JMJD7: variants seen among roughly 807,000 people sequenced by gnomAD.
JMJD7 encodes the protein bifunctional peptidase and (3S)-lysyl hydroxylase JMJD7.
A neutral mutation model predicts 41.1 loss-of-function variants in JMJD7; 41 were observed. The ratio of observed to expected loss-of-function variants is 1.00; its 90% CI spans 0.78 to 1.30. The LOEUF is 1.30. Among genes scored for constraint, JMJD7 ranks in the 50% most tolerant of loss-of-function variants. The pLI is 0.00. For synonymous variants in JMJD7, 202 were observed against 177.2 expected (o/e 1.14, Z -1.11); for missense variants, 480 against 420.7 (o/e 1.14, Z -1.23).
chr15:41,831,245 A>T (rs2065226237), intron 1 of JMJD7, among the ~76,000 whole-genome samples: 1 of 152,158 alleles, frequency 6.6e-6, no homozygotes, highest in Admixed American at 6.5e-5. Context: ...AGATGACAGG[A>T]CAACCTGCCC....
At chr15:41,830,117 AC>A (rs913949072) in intron 1 of JMJD7, among the ~76,000 whole-genome samples, 22 of 151,504 alleles carry the variant, frequency 1.5e-4, no homozygotes, top group African/African-American at 5.3e-4. Flanking sequence ...CGACTGCACC[AC>A]CCCCACCCTC....
intron 4 of JMJD7, 193 bp from the exon 5 acceptor site, chr15:41,835,955 A>G: frequency 1.7e-6 from 1 of 601,224 alleles, no homozygotes; most frequent in Non-Finnish European, 2.8e-6. Flanking sequence ...GGGCCTGGTG[A>G]GCATCAGGTC....
chr15:41,836,384 G>T (rs1447232939), intron 5 of JMJD7, 91 bp from the exon 6 acceptor site: 1 of 1,553,424 alleles, frequency 6.4e-7, no homozygotes, highest in Non-Finnish European at 8.7e-7. Context: ...TGATCCCCTT[G>T]CCCCTGCCCA....
intron 5 of JMJD7, 59 bp downstream of exon 5, chr15:41,836,302 G>A (rs2065315063): frequency 6.2e-7 from 1 of 1,602,574 alleles, no homozygotes; most frequent in East Asian, 2.2e-5. Context: ...GGGGAGGGAG[G>A]CAGCAAGAGC....
chr15:41,831,950 G>A (rs1050492684), intron 1 of JMJD7, among the ~76,000 whole-genome samples: 6 of 152,124 alleles, frequency 3.9e-5, no homozygotes, highest in Non-Finnish European at 5.9e-5. Flanking sequence ...GCGGCCCTTT[G>A]GGGAGTCCAG....
intron 1 of JMJD7, among the ~76,000 whole-genome samples, chr15:41,833,936 G>A (rs1291973522): frequency 6.6e-6 from 1 of 152,182 alleles, no homozygotes; most frequent in Admixed American, 6.5e-5. Flanking sequence ...AGAGACATAG[G>A]AGACAGAATC....
chr15:41,836,132 T>G lies in JMJD7; in HGVS notation c.530-16T>G, dbSNP rs543606666. 2 of 1,577,424 alleles carry G rather than the reference T, an allele frequency of 1.3e-6. No individual in the cohort carries two copies. Among genetic ancestry groups the G allele is most frequent in the East Asian group, 2.2e-5 (1 of 44,492 alleles). The stretch of plus-strand genomic sequence containing the variant: ...GCCCTCCATACCCTGCCCCCGGGCC[T>G]TCTTTCTGTTGGCAGTGCACAAGGA... On this transcript the variant is annotated splice_polypyrimidine_tract_variant and intron_variant, in intron 4 of 7. Transcript: ENST00000397299.
chr15:41,836,543 A>G lies in JMJD7; in HGVS notation c.694A>G (p.Met232Val), dbSNP rs371762140. The G allele has an allele frequency of 5.7e-6, 9 of 1,584,506 alleles. No homozygotes were observed. The African/African-American group carries it at 9.4e-5, about 17-fold the overall frequency. The change falls in exon 6 of 8, where the codon ATG (methionine) becomes GTG (valine). Residue 232 changes from methionine to valine, a missense_variant. Coordinates refer to ENST00000397299, the MANE Select transcript of JMJD7 (RefSeq NM_001114632.2). ...GTFKVVDEEA[M>V]EKVPWIPLDP... Reference sequence around the variant, plus strand: ...CTTTAAGGTGGTGGATGAAGAGGCCATGGAGAAGGTGTCTGTCCTGTTCTT... The same window carrying G: ...CTTTAAGGTGGTGGATGAAGAGGCCGTGGAGAAGGTGTCTGTCCTGTTCTT...
intron 1 of JMJD7, among the ~76,000 whole-genome samples, chr15:41,828,657 A>G (rs546839141): frequency 6.7e-6 from 1 of 150,282 alleles, no homozygotes; most frequent in African/African-American, 2.5e-5. Context: ...TCTTTTTTCT[A>G]TTTTTAAATG....
rs773758699 is a variant in JMJD7 at position 41,836,501 on chromosome 15, C to G, written c.652C>G (p.Leu218Val). 1.9e-6 allele frequency: 3 copies of G among 1,592,360 alleles called. No individual in the cohort carries two copies. In the South Asian group the frequency reaches 3.4e-5, roughly 18 times the overall value. The stretch of plus-strand genomic sequence containing the variant: ...GCTGTACACGCCGGCAACCTACCAG[C>G]TAACTGAAGAGGGCACCTTTAAGGT... Reference protein sequence around the residue: ...YELYTPATYQLTEEGTFKVVD... With the variant: ...YELYTPATYQVTEEGTFKVVD... Residue 218 changes from leucine to valine, a missense_variant, in exon 6 of 8, where the codon CTA becomes GTA. By Grantham distance (32) the Leu-to-Val change is conservative (BLOSUM62 1). Coordinates refer to ENST00000397299, the MANE Select transcript of JMJD7 (RefSeq NM_001114632.2).
intron 5 of JMJD7, 28 bp downstream of exon 5, chr15:41,836,271 C>A (rs746062806): frequency 3.1e-6 from 5 of 1,611,260 alleles, no homozygotes; most frequent in Non-Finnish European, 4.2e-6. Flanking sequence ...CAGGGAGGGG[C>A]TGGGGAACAG....
intron 1 of JMJD7, among the ~76,000 whole-genome samples, chr15:41,833,574 C>T (rs1247385201): frequency 6.6e-6 from 1 of 151,444 alleles, no homozygotes; most frequent in Non-Finnish European, 1.5e-5. Flanking sequence ...GTGCATGCCA[C>T]CATGTCCAGT....
chr15:41,828,684 C>T (rs1164860570), intron 1 of JMJD7, among the ~76,000 whole-genome samples: 2 of 152,056 alleles, frequency 1.3e-5, no homozygotes, highest in Non-Finnish European at 2.9e-5. Flanking sequence ...TACCACTGAA[C>T]AGCAACACAG....
At position 41,837,229 on chromosome 15, in the gene JMJD7, C is replaced by A. The variant is rs950352223; in HGVS notation, c.*73C>A. On this transcript the variant is annotated 3_prime_UTR_variant, in exon 8 of 8. Transcript: ENST00000397299. The stretch of plus-strand genomic sequence containing the variant: ...GCCCCTCCCTGGCCAGGTCAATTCT[C>A]GAGAGAGCCTGGAGTGTGCATGCTG... 2.8e-6 allele frequency: 3 copies of A among 1,065,540 alleles called. No individual in the cohort carries two copies. The highest frequency in any genetic ancestry group is 1.6e-5 in the African/African-American group (1 of 63,646). The allele number at this position is 1,065,540 out of a possible 1,614,324, so 66.0% of individuals were successfully genotyped here.
chr15:41,831,973 C>T (rs143326533), intron 1 of JMJD7, among the ~76,000 whole-genome samples: 1 of 152,174 alleles, frequency 6.6e-6, no homozygotes, highest in Non-Finnish European at 1.5e-5. Flanking sequence ...CCAGGAGCTT[C>T]CCAAGCTGGG....
Position 41,828,195 on chromosome 15 carries a change from G to C in JMJD7, c.64+7G>C, listed in dbSNP as rs1446903653. The C allele has an allele frequency of 6.6e-7, 1 of 1,504,808 alleles. No homozygotes were observed. The highest frequency in any genetic ancestry group is 2.7e-5 in the East Asian group (1 of 36,718). 93.2% of individuals were successfully genotyped at this position (1,504,808 alleles called of 1,614,324 possible). On this transcript the variant is annotated splice_region_variant and intron_variant, in intron 1 of 7. Coordinates refer to ENST00000397299, the MANE Select transcript of JMJD7 (RefSeq NM_001114632.2). ...TTCCCGGCCGCTGCAAGGGGTGAGT[G>C]GCTCTCCCACAGGCTGCGGCGATTT...
At chr15:41,828,846 C>A (rs1797164817) in intron 1 of JMJD7, among the ~76,000 whole-genome samples, 1 of 152,132 alleles carries the variant, frequency 6.6e-6, no homozygotes, top group Non-Finnish European at 1.5e-5. Flanking sequence ...CAAATAGTAG[C>A]CTGCTAAACA....
At chr15:41,836,724 A>G in intron 6 of JMJD7, 57 bp from the exon 7 acceptor site, 2 of 1,536,338 alleles carry the variant, frequency 1.3e-6, no homozygotes, top group Non-Finnish European at 1.8e-6. Flanking sequence ...GAAGGGACAG[A>G]GCCTGAAGTC....
chr15:41,837,375 G>A lies in JMJD7; in HGVS notation c.*219G>A. ...GGGTTCTCAGGAAGTTGCCACACAG[G>A]TGAGCAGAGTGGGGATCAGGTGCAG... On this transcript the variant is annotated 3_prime_UTR_variant, in exon 8 of 8. Coordinates refer to ENST00000397299, the MANE Select transcript of JMJD7 (RefSeq NM_001114632.2). 6.9e-6 allele frequency: 4 copies of A among 578,424 alleles called. No individual in the cohort carries two copies. The highest frequency in any genetic ancestry group is 1.2e-5 in the Non-Finnish European group (4 of 324,660). The allele number at this position is 578,424 out of a possible 1,614,324, so 35.8% of individuals were successfully genotyped here.
Sources: gnomAD v4.1 joint callset for allele counts (sites outside exome capture counted in the v4.1 genomes callset) on GRCh38, gnomAD v4.1.1 for gene constraint, MANE v1.5 for transcripts, NCBI Gene and HGNC (gene_info 2026-07-23, HGNC 2026-07-21) for gene names.